SORCS1: variants seen among roughly 807,000 people sequenced by gnomAD.
The protein encoded by SORCS1 is VPS10 domain-containing receptor SorCS1.
SORCS1 carries 60 observed loss-of-function variants against 146.1 expected under a neutral mutation model. That is an observed-to-expected ratio of 0.41 (90% CI 0.33 to 0.51). The LOEUF is 0.51. Among genes scored for constraint, SORCS1 ranks in the 20% least tolerant of loss-of-function variants. The pLI, the probability that SORCS1 is intolerant of heterozygous loss-of-function variation, is 0.21. For synonymous variants in SORCS1, 637 were observed against 584.0 expected (o/e 1.09, Z -1.31); for missense variants, 1,352 against 1,487.6 (o/e 0.91, Z 1.50).
At chr10:106,647,140 T>G (rs1849510850) in intron 18 of SORCS1, among the ~76,000 whole-genome samples, 1 of 151,376 alleles carries the variant, frequency 6.6e-6, no homozygotes, top group South Asian at 2.1e-4. Context: ...ATCTTGTCAA[T>G]TTTAATACAC....
At chr10:106,818,054 A>G (rs926215745) in intron 3 of SORCS1, among the ~76,000 whole-genome samples, 4 of 152,196 alleles carry the variant, frequency 2.6e-5, no homozygotes, top group Admixed American at 6.5e-5. Context: ...AGCGAGGTTC[A>G]TGTTTCTTTT....
intron 18 of SORCS1, among the ~76,000 whole-genome samples, chr10:106,643,632 G>GC (rs1849216516): frequency 6.6e-6 from 1 of 152,218 alleles, no homozygotes; most frequent in Non-Finnish European, 1.5e-5. Flanking sequence ...TTGAAGCTTT[G>GC]CCCACTCAAG....
intron 10 of SORCS1, among the ~76,000 whole-genome samples, chr10:106,680,930 C>G (rs1169959296): frequency 6.6e-6 from 1 of 152,102 alleles, no homozygotes; most frequent in Non-Finnish European, 1.5e-5. Flanking sequence ...ACAGCCAGAA[C>G]GCTGGTGAAA....
intron 7 of SORCS1, among the ~76,000 whole-genome samples, chr10:106,708,952 ACTC>A (rs1854741622): frequency 6.6e-6 from 1 of 151,872 alleles, no homozygotes; most frequent in South Asian, 2.1e-4. Context: ...CAATCTCACT[ACTC>A]TGTGCGATGC....
intron 2 of SORCS1, among the ~76,000 whole-genome samples, chr10:106,856,690 A>G (rs71475424): frequency 0.053 from 7,996 of 152,252 alleles, 291 homozygotes; most frequent in African/African-American, 0.1. Flanking sequence ...AAAACTCACA[A>G]AAGTATGAGG....
chr10:107,120,894 A>T (rs1230170648), intron 1 of SORCS1, among the ~76,000 whole-genome samples: 1 of 152,204 alleles, frequency 6.6e-6, no homozygotes, highest in Non-Finnish European at 1.5e-5. Flanking sequence ...TCTCAAGTGA[A>T]AAAAAAGCAA....
the SORCS1 span, among the ~76,000 whole-genome samples, chr10:107,172,430 T>C: frequency 2.6e-5 from 4 of 152,212 alleles, no homozygotes; most frequent in Non-Finnish European, 5.9e-5. Flanking sequence ...GTAATGTACT[T>C]TTTGGTTCTA....
chr10:106,581,331 A>ACACACACACACG (rs1329938380), intron 24 of SORCS1, among the ~76,000 whole-genome samples: 1 of 149,150 alleles, frequency 6.7e-6, no homozygotes, highest in African/African-American at 2.5e-5. Flanking sequence ...ATACACACAC[A>ACACACACACACG]CACACACACA....
intron 4 of SORCS1, among the ~76,000 whole-genome samples, chr10:106,773,131 C>T (rs775370427): frequency 5.9e-5 from 9 of 152,234 alleles, no homozygotes; most frequent in Non-Finnish European, 1.2e-4. Context: ...TGTAAAACAG[C>T]ATCCAGCAGA....
chr10:106,607,038 T>C, intron 23 of SORCS1, 128 bp downstream of exon 23: 1 of 1,252,800 alleles, frequency 8.0e-7, no homozygotes, highest in Non-Finnish European at 1.1e-6. Flanking sequence ...CCATGAATGC[T>C]CTTGCATGTG....
At chr10:106,662,887 C>G (rs1452200612) in intron 17 of SORCS1, among the ~76,000 whole-genome samples, 2 of 152,162 alleles carry the variant, frequency 1.3e-5, no homozygotes, top group Non-Finnish European at 2.9e-5. Flanking sequence ...TTTTGGGACT[C>G]ACAGGCAGCC....
chr10:107,094,677 G>T (rs1483590233), intron 1 of SORCS1, among the ~76,000 whole-genome samples: 4 of 152,136 alleles, frequency 2.6e-5, no homozygotes, highest in Admixed American at 6.5e-5. Context: ...TTTAAAAAAG[G>T]CTCCATATAT....
intron 1 of SORCS1, among the ~76,000 whole-genome samples, chr10:107,008,793 C>A (rs937383039): frequency 6.6e-6 from 1 of 152,092 alleles, no homozygotes; most frequent in Non-Finnish European, 1.5e-5. Flanking sequence ...GTCAAGAGAT[C>A]GAGATCATCC....
At chr10:106,595,197 G>T (rs1474859967) in intron 24 of SORCS1, among the ~76,000 whole-genome samples, 1 of 152,180 alleles carries the variant, frequency 6.6e-6, no homozygotes, top group East Asian at 1.9e-4. Flanking sequence ...ACCAGCATAC[G>T]ATTCAGAAAG....
chr10:106,933,607 T>C (rs1953531934), intron 2 of SORCS1, among the ~76,000 whole-genome samples: 1 of 152,070 alleles, frequency 6.6e-6, no homozygotes, highest in Admixed American at 6.6e-5. Context: ...TGAAACACAA[T>C]GATATCTGAA....
intron 2 of SORCS1, among the ~76,000 whole-genome samples, chr10:106,887,617 T>C (rs1010191270): frequency 6.6e-6 from 1 of 152,048 alleles, no homozygotes; most frequent in Non-Finnish European, 1.5e-5. Flanking sequence ...TAAAAAAGCA[T>C]ATATAAAGTG....
At chr10:106,824,977 A>T (rs1948229275) in intron 3 of SORCS1, among the ~76,000 whole-genome samples, 1 of 152,208 alleles carries the variant, frequency 6.6e-6, no homozygotes, top group African/African-American at 2.4e-5. Flanking sequence ...TTTGCTAGAT[A>T]GTGTGCTGAG....
At chr10:106,731,944 G>A (rs568993169) in intron 5 of SORCS1, among the ~76,000 whole-genome samples, 1 of 152,160 alleles carries the variant, frequency 6.6e-6, no homozygotes, top group Non-Finnish European at 1.5e-5. Context: ...GAAAGAAAGC[G>A]AAGGGGCTAT....
At chr10:106,771,123 G>A (rs1022845502) in intron 4 of SORCS1, among the ~76,000 whole-genome samples, 4 of 152,106 alleles carry the variant, frequency 2.6e-5, no homozygotes, top group Admixed American at 1.3e-4. Context: ...TACAAATCAC[G>A]TCTCCGTTGC....
Sources: allele counts gnomAD v4.1 joint callset (sites outside exome capture counted in the v4.1 genomes callset), GRCh38; gene constraint gnomAD v4.1.1; transcripts MANE v1.5; gene names NCBI Gene and HGNC (gene_info 2026-07-23, HGNC 2026-07-21).